Variants in WDPCP observed in about 807,000 individuals in gnomAD.
WDPCP encodes the protein WD repeat-containing and planar cell polarity effector protein fritz homolog.
A neutral mutation model predicts 93.1 loss-of-function variants in WDPCP; 71 were observed. The observed-to-expected ratio is 0.76, with a 90% CI of 0.63 to 0.93. WDPCP has a LOEUF of 0.93. Among genes scored for constraint, WDPCP ranks in the 40% least tolerant of loss-of-function variants. WDPCP has a pLI of 0.00. For missense variants in WDPCP, 844 were observed against 887.4 expected, an observed-to-expected ratio of 0.95 and a Z score of 0.62; for synonymous variants, 315 against 315.0, an observed-to-expected ratio of 1.00 and a Z score of 0.00.
At chr2:63,813,543 A>C (rs1161645538) in intron 2 of WDPCP, 3 of 152,212 alleles carry the variant, frequency 2.0e-5, no homozygotes, top group Non-Finnish European at 4.4e-5. Flanking sequence ...CCTATGCACA[A>C]GTCCATGTCT....
At chr2:63,467,061 G>A (rs549975828) in intron 6 of WDPCP, among the ~76,000 whole-genome samples, 11 of 152,232 alleles carry the variant, frequency 7.2e-5, no homozygotes, top group Admixed American at 2.0e-4. Context: ...TTGCAAAATC[G>A]GGTAAATATT....
chr2:63,126,320 T>G (rs1018156944), intron 17 of WDPCP, among the ~76,000 whole-genome samples: 2 of 152,154 alleles, frequency 1.3e-5, no homozygotes, highest in African/African-American at 4.8e-5. Flanking sequence ...GTTAAAAAAT[T>G]AATAAAAACA....
chr2:63,501,768 C>T (rs1701569329), intron 1 of WDPCP, among the ~76,000 whole-genome samples: 1 of 152,080 alleles, frequency 6.6e-6, no homozygotes, highest in African/African-American at 2.4e-5. Flanking sequence ...AGGCGTGAGC[C>T]ACCACATAAG....
chr2:63,770,913 T>G (rs1483090095), intron 2 of WDPCP, among the ~76,000 whole-genome samples: 1 of 151,970 alleles, frequency 6.6e-6, no homozygotes, highest in Non-Finnish European at 1.5e-5. Context: ...TAAAAAAAAT[T>G]ACTGTTTTCA....
At chr2:63,156,103 G>A (rs1313041107) in intron 15 of WDPCP, among the ~76,000 whole-genome samples, 3 of 152,000 alleles carry the variant, frequency 2.0e-5, no homozygotes, top group African/African-American at 4.8e-5. Context: ...GGATTCCAGC[G>A]ATTCTCCTGC....
chr2:63,572,345 A>G (rs554402562), intron 1 of WDPCP, among the ~76,000 whole-genome samples: 9 of 152,252 alleles, frequency 5.9e-5, no homozygotes, highest in African/African-American at 1.9e-4. Flanking sequence ...CATGTGTAGT[A>G]TTTGCCCCAG....
At chr2:63,703,402 A>C (rs541764127) in intron 2 of WDPCP, among the ~76,000 whole-genome samples, 1 of 152,236 alleles carries the variant, frequency 6.6e-6, no homozygotes, top group East Asian at 1.9e-4. Context: ...TGACTTTTTA[A>C]TGATCGCCAT....
chr2:63,594,636 T>G, intron 3 of WDPCP: 6 of 1,308,162 alleles, frequency 4.6e-6, no homozygotes, highest in Non-Finnish European at 6.6e-6. Context: ...AGAATATGGT[T>G]AATAAAAATC....
At chr2:63,467,929 G>A (rs1051422758) in intron 6 of WDPCP, among the ~76,000 whole-genome samples, 4 of 152,106 alleles carry the variant, frequency 2.6e-5, no homozygotes, top group African/African-American at 9.7e-5. Context: ...ATCTTTGTGA[G>A]TGTGATGGCT....
intron 15 of WDPCP, among the ~76,000 whole-genome samples, chr2:63,172,422 C>A (rs1321566690): frequency 1.3e-5 from 2 of 152,034 alleles, no homozygotes; most frequent in African/African-American, 4.8e-5. Context: ...GTGGGATAAT[C>A]ACCTGAGCCT....
intron 2 of WDPCP, among the ~76,000 whole-genome samples, chr2:63,781,536 C>T (rs895218611): frequency 3.3e-5 from 5 of 152,140 alleles, no homozygotes; most frequent in Non-Finnish European, 5.9e-5. Context: ...ACTGTACAGT[C>T]ACTATGCTAG....
At chr2:63,160,716 A>T (rs374788534) in intron 15 of WDPCP, among the ~76,000 whole-genome samples, 2 of 152,228 alleles carry the variant, frequency 1.3e-5, no homozygotes, top group South Asian at 4.1e-4. Context: ...GGAGTTACAA[A>T]ATTAGAAAAT....
chr2:63,439,613 CA>C (rs1473588126), intron 7 of WDPCP, 143 bp downstream of exon 7: 2 of 638,704 alleles, frequency 3.1e-6, no homozygotes, highest in Non-Finnish European at 5.5e-6. Flanking sequence ...GTATTGGTCC[CA>C]GGGGGTGTAA....
intron 14 of WDPCP, among the ~76,000 whole-genome samples, chr2:63,220,682 T>A (rs1677738397): frequency 1.3e-5 from 2 of 152,222 alleles, no homozygotes; most frequent in Admixed American, 6.5e-5. Flanking sequence ...TGTAGTACAT[T>A]ATTATATGCA....
At chr2:63,136,851 G>A (rs891796480) in intron 17 of WDPCP, among the ~76,000 whole-genome samples, 1 of 152,086 alleles carries the variant, frequency 6.6e-6, no homozygotes, top group Non-Finnish European at 1.5e-5. Flanking sequence ...TAAGGATATG[G>A]CTTCCAGCTC....
chr2:63,227,798 A>G (rs1344079131), intron 14 of WDPCP, among the ~76,000 whole-genome samples: 2 of 152,134 alleles, frequency 1.3e-5, no homozygotes, highest in East Asian at 1.9e-4. Flanking sequence ...TTTTTAATGA[A>G]GATTGGTTCC....
At chr2:63,327,580 T>A (rs1687653355) in intron 12 of WDPCP, among the ~76,000 whole-genome samples, 1 of 152,084 alleles carries the variant, frequency 6.6e-6, no homozygotes, top group South Asian at 2.1e-4. Flanking sequence ...CTTTGCACAT[T>A]CTTAGGGGAA....
intron 2 of WDPCP, among the ~76,000 whole-genome samples, chr2:63,709,309 C>T (rs978305501): frequency 9.9e-5 from 15 of 151,930 alleles, no homozygotes; most frequent in Non-Finnish European, 7.4e-5. Context: ...ACCGAAACTC[C>T]GTCCCGAAAA....
intron 9 of WDPCP, among the ~76,000 whole-genome samples, chr2:63,421,381 T>A (rs1695847160): frequency 6.6e-6 from 1 of 151,920 alleles, no homozygotes; most frequent in South Asian, 2.1e-4. Context: ...CACAATATAT[T>A]AAAAACTTTA....
Sources: allele counts gnomAD v4.1 joint callset (sites outside exome capture counted in the v4.1 genomes callset), GRCh38; gene constraint gnomAD v4.1.1; transcripts MANE v1.5; gene names NCBI Gene and HGNC (gene_info 2026-07-23, HGNC 2026-07-21).